ATP8B4: variants seen among roughly 807,000 people sequenced by gnomAD.
ATP8B4 encodes the protein probable phospholipid-transporting ATPase IM.
ATP8B4 carries 133 observed loss-of-function variants against 145.6 expected under a neutral mutation model. The observed-to-expected ratio is 0.91, with a 90% confidence interval of 0.79 to 1.05. ATP8B4 has a LOEUF of 1.05. Ranked by LOEUF, ATP8B4 falls within the 50% of genes least tolerant of loss-of-function variation. The probability of loss-of-function intolerance (pLI) is 0.00; values close to 1 mark genes in which losing one functional copy is unlikely to be tolerated. For missense variants in ATP8B4, 1,458 were observed against 1,425.2 expected, an observed-to-expected ratio of 1.02 and a Z score of -0.37; for synonymous variants, 507 against 492.9, an observed-to-expected ratio of 1.03 and a Z score of -0.38.
In ATP8B4 at chr15:49,953,331, C is replaced by T. The variant is rs547677242; in HGVS notation, c.1287+8646G>A. ...GGAGGAGAGGCTAAGTCTGCTGGTG[C>T]GCAGAGACTGCGGCCACCCCTCCCC... On this transcript the variant is annotated intron_variant, in intron 14 of 27. Coordinates refer to ENST00000284509, the MANE Select transcript of ATP8B4 (RefSeq NM_024837.4). 1.5e-4 allele frequency among the ~76,000 whole-genome samples: 23 copies of T among 152,252 alleles called. No homozygotes were observed. In the East Asian group the frequency reaches 1.9e-3, roughly 13 times the overall value.
At chr15:49,964,491 T>TA (rs2044356116) in intron 13 of ATP8B4, among the ~76,000 whole-genome samples, 2 of 152,186 alleles carry the variant, frequency 1.3e-5, no homozygotes, top group Admixed American at 6.5e-5. Flanking sequence ...AGTCAAATGT[T>TA]AAATTTTCCC....
At chr15:50,173,108 C>G (rs2044710609) in intron 1 of ATP8B4, among the ~76,000 whole-genome samples, 1 of 150,354 alleles carries the variant, frequency 6.7e-6, no homozygotes, top group Non-Finnish European at 1.5e-5. Flanking sequence ...GCCGCCCCGT[C>G]TGGGAGGTGG....
chr15:49,951,372 G>T (rs1458002208), intron 14 of ATP8B4, among the ~76,000 whole-genome samples: 3 of 152,032 alleles, frequency 2.0e-5, no homozygotes, highest in African/African-American at 7.2e-5. Flanking sequence ...TATGAATCTG[G>T]TTGCTCCTGT....
At chr15:49,913,018 C>T (rs569289053) in intron 20 of ATP8B4, among the ~76,000 whole-genome samples, 30 of 152,064 alleles carry the variant, frequency 2.0e-4, no homozygotes, top group African/African-American at 6.5e-4. Context: ...GTAGTCCCCA[C>T]TACTCAGGAC....
chr15:50,068,231 G>T (rs1425423428), intron 3 of ATP8B4, among the ~76,000 whole-genome samples: 2 of 152,148 alleles, frequency 1.3e-5, no homozygotes, highest in Non-Finnish European at 2.9e-5. Flanking sequence ...TGGGCGGGAG[G>T]GAAATAAAAG....
At chr15:50,007,223 C>T (rs751550997) in intron 7 of ATP8B4, among the ~76,000 whole-genome samples, 6 of 152,162 alleles carry the variant, frequency 3.9e-5, no homozygotes, top group Non-Finnish European at 8.8e-5. Context: ...AATCAGGTTG[C>T]AAATTCTAAG....
chr15:50,006,544 G>T, intron 7 of ATP8B4, among the ~76,000 whole-genome samples: 1 of 145,680 alleles, frequency 6.9e-6, no homozygotes, highest in African/African-American at 2.5e-5. Context: ...GATAGGTGTT[G>T]AAAAAGAACA....
intron 2 of ATP8B4, among the ~76,000 whole-genome samples, chr15:50,089,706 C>T (rs544512161): frequency 6.6e-6 from 1 of 151,776 alleles, no homozygotes; most frequent in East Asian, 1.9e-4. Flanking sequence ...CTCTGTCTCC[C>T]AGGCTGGAGT....
chr15:50,049,348 T>C (rs1199897280), intron 3 of ATP8B4, among the ~76,000 whole-genome samples: 1 of 152,208 alleles, frequency 6.6e-6, no homozygotes, highest in Non-Finnish European at 1.5e-5. Context: ...CTGCTGTATA[T>C]GTCCATGAGT....
chr15:50,067,338 AAT>A (rs572410170), intron 3 of ATP8B4, among the ~76,000 whole-genome samples: 131 of 152,226 alleles, frequency 8.6e-4, no homozygotes, highest in African/African-American at 3.1e-3. Flanking sequence ...TCTCTTTTTA[AAT>A]AGTCTGTTCT....
chr15:50,125,602 G>A (rs138660335), intron 1 of ATP8B4, among the ~76,000 whole-genome samples: 5 of 152,222 alleles, frequency 3.3e-5, no homozygotes, highest in East Asian at 3.9e-4. Context: ...TCTGCACTAC[G>A]GGAGGTTCGA....
chr15:50,131,079 C>T (rs1252684152), intron 1 of ATP8B4, among the ~76,000 whole-genome samples: 1 of 151,906 alleles, frequency 6.6e-6, no homozygotes, highest in East Asian at 1.9e-4. Flanking sequence ...CCTTATAAAA[C>T]CATCAGATCT....
chr15:49,982,935 T>A (rs1823289920), intron 10 of ATP8B4, among the ~76,000 whole-genome samples: 1 of 152,122 alleles, frequency 6.6e-6, no homozygotes, highest in Non-Finnish European at 1.5e-5. Flanking sequence ...TGAAACATAC[T>A]CTTCCTTTAG....
At chr15:49,928,541 C>T (rs2040945407) in intron 16 of ATP8B4, among the ~76,000 whole-genome samples, 1 of 152,006 alleles carries the variant, frequency 6.6e-6, no homozygotes, top group African/African-American at 2.4e-5. Flanking sequence ...TGGGAAGCCA[C>T]CTATGCTTTT....
chr15:50,094,473 A>G (rs562946060), intron 2 of ATP8B4, among the ~76,000 whole-genome samples: 102 of 151,800 alleles, frequency 6.7e-4, no homozygotes, highest in Non-Finnish European at 7.7e-4. Context: ...GCATTTATAC[A>G]TAATATAAAT....
intron 12 of ATP8B4, among the ~76,000 whole-genome samples, chr15:49,976,960 A>G (rs947726954): frequency 2.6e-5 from 4 of 152,122 alleles, no homozygotes; most frequent in African/African-American, 9.6e-5. Flanking sequence ...TGGAAAGAAC[A>G]CTCAAAAGCT....
At chr15:49,970,439 T>C (rs2044998621) in intron 13 of ATP8B4, among the ~76,000 whole-genome samples, 1 of 152,110 alleles carries the variant, frequency 6.6e-6, no homozygotes, top group African/African-American at 2.4e-5. Context: ...GGATACAAAA[T>C]CAGTGTGCAA....
chr15:50,180,838 G>A (rs996846991), intron 1 of ATP8B4, among the ~76,000 whole-genome samples: 1 of 152,146 alleles, frequency 6.6e-6, no homozygotes, highest in African/African-American at 2.4e-5. Flanking sequence ...GCAGTTACTA[G>A]GGATACGAAA....
intron 2 of ATP8B4, among the ~76,000 whole-genome samples, chr15:50,101,397 G>T (rs1415897577): frequency 6.6e-6 from 1 of 151,874 alleles, no homozygotes; most frequent in Non-Finnish European, 1.5e-5. Flanking sequence ...GGTGGAAAAA[G>T]ATATTCTATG....
Sources: gnomAD v4.1 joint callset for allele counts (sites outside exome capture counted in the v4.1 genomes callset) on GRCh38, gnomAD v4.1.1 for gene constraint, MANE v1.5 for transcripts, NCBI Gene and HGNC (gene_info 2026-07-23, HGNC 2026-07-21) for gene names.